PTPRD: variants seen among roughly 807,000 people sequenced by gnomAD.
The protein encoded by PTPRD is receptor-type tyrosine-protein phosphatase delta.
PTPRD carries 34 observed loss-of-function variants against 214.5 expected under a neutral mutation model. That is an observed-to-expected ratio of 0.16 (90% CI 0.12 to 0.21). The LOEUF (loss-of-function observed/expected upper bound fraction) is 0.21, where lower values mean the gene tolerates loss of function less well. PTPRD is among the 10% of genes least tolerant of loss of function. The pLI is 1.00. For missense variants in PTPRD, 2,545 were observed against 2,398.7 expected (o/e 1.06, Z -1.27); for synonymous variants, 1,128 against 845.7 (o/e 1.33, Z -5.79).
intron 3 of PTPRD, among the ~76,000 whole-genome samples, chr9:10,268,718 C>T (rs2475353): frequency 0.17 from 26,285 of 152,088 alleles, 2,317 homozygotes; most frequent in East Asian, 0.25. Flanking sequence ...ATCCTCTCAT[C>T]CCAGAATCCC....
At chr9:9,055,466 C>T (rs2099694490) in intron 10 of PTPRD, among the ~76,000 whole-genome samples, 1 of 152,050 alleles carries the variant, frequency 6.6e-6, no homozygotes, top group Admixed American at 6.6e-5. Context: ...TCCAAAAGTG[C>T]CCTCGTGAAA....
chr9:9,392,291 T>C (rs2066128434), intron 9 of PTPRD, among the ~76,000 whole-genome samples: 1 of 152,176 alleles, frequency 6.6e-6, no homozygotes, highest in African/African-American at 2.4e-5. Context: ...CATTGGGTCA[T>C]AAACCTGCTT....
At chr9:10,582,323 G>C (rs928813201) in intron 2 of PTPRD, among the ~76,000 whole-genome samples, 1 of 151,818 alleles carries the variant, frequency 6.6e-6, no homozygotes, top group Admixed American at 6.6e-5. Flanking sequence ...TTCTCTTTTA[G>C]CTCTGCCTAT....
chr9:9,176,222 A>G (rs1156526064), intron 10 of PTPRD, among the ~76,000 whole-genome samples: 1 of 152,174 alleles, frequency 6.6e-6, no homozygotes, highest in East Asian at 1.9e-4. Flanking sequence ...TCTGCCACCT[A>G]TAATTGAATG....
At chr9:10,453,565 A>G (rs2098869069) in intron 2 of PTPRD, among the ~76,000 whole-genome samples, 1 of 151,660 alleles carries the variant, frequency 6.6e-6, no homozygotes, top group Non-Finnish European at 1.5e-5. Flanking sequence ...TAGCTCTTGC[A>G]AATGAGATTG....
chr9:9,431,320 C>A (rs1588231277), intron 8 of PTPRD, among the ~76,000 whole-genome samples: 3 of 152,236 alleles, frequency 2.0e-5, no homozygotes, highest in African/African-American at 7.2e-5. Context: ...TCATCACTGG[C>A]CATCAGAGAA....
intron 2 of PTPRD, among the ~76,000 whole-genome samples, chr9:10,440,486 C>G (rs970338724): frequency 1.3e-5 from 2 of 151,536 alleles, no homozygotes; most frequent in Non-Finnish European, 3.0e-5. Context: ...AAAGGGTGGT[C>G]TGGAGATTTG....
chr9:8,626,617 A>C (rs916136201), intron 14 of PTPRD, among the ~76,000 whole-genome samples: 1 of 151,816 alleles, frequency 6.6e-6, no homozygotes, highest in African/African-American at 2.4e-5. Context: ...TGCCCTCCCT[A>C]ATGTGGGCAA....
At chr9:8,946,407 A>G (rs556172390) in intron 11 of PTPRD, among the ~76,000 whole-genome samples, 9 of 152,258 alleles carry the variant, frequency 5.9e-5, no homozygotes, top group African/African-American at 2.2e-4. Flanking sequence ...GTGCTTGGAA[A>G]GTTACTTTAC....
rs181325682 is a variant in PTPRD at position 8,832,935 on chromosome 9, A to C, written c.-103-98989T>G. Among the ~76,000 whole-genome samples, 503 of 152,268 alleles carry C rather than the reference A, an allele frequency of 3.3e-3. 1 individual carries two copies. Among genetic ancestry groups the C allele is most frequent in the African/African-American group, 0.011 (448 of 41,584 alleles). ...TTTCACTTCATGTTAGTTGTCTCAT[A>C]AATTTAATATCTACTCTTCATTACC... On this transcript the variant is annotated intron_variant, in intron 11 of 45. Transcript: ENST00000381196.
chr9:10,412,023 T>A (rs537423843), intron 2 of PTPRD, among the ~76,000 whole-genome samples: 47 of 151,866 alleles, frequency 3.1e-4, no homozygotes, highest in Non-Finnish European at 5.3e-4. Flanking sequence ...AAAAATGAAT[T>A]TCATAACTTT....
chr9:8,921,678 G>C (rs1188345490), intron 11 of PTPRD, among the ~76,000 whole-genome samples: 8 of 151,986 alleles, frequency 5.3e-5, no homozygotes, highest in Non-Finnish European at 1.2e-4. Context: ...ATTTTTAGTA[G>C]AGACAGGGTT....
chr9:8,377,914 G>C (rs1182216730), intron 37 of PTPRD, among the ~76,000 whole-genome samples: 1 of 152,042 alleles, frequency 6.6e-6, no homozygotes, highest in Non-Finnish European at 1.5e-5. Context: ...GCTCCTCTGA[G>C]AATTCAGGCT....
intron 26 of PTPRD, among the ~76,000 whole-genome samples, chr9:8,496,052 A>G (rs1396419908): frequency 6.6e-6 from 1 of 152,022 alleles, no homozygotes; most frequent in Non-Finnish European, 1.5e-5. Flanking sequence ...CGAAGCCTTC[A>G]TTTATATCAA....
At chr9:10,275,267 G>A (rs561033759) in intron 3 of PTPRD, among the ~76,000 whole-genome samples, 87 of 152,154 alleles carry the variant, frequency 5.7e-4, no homozygotes, top group African/African-American at 2.0e-3. Context: ...TTAAGTAAAG[G>A]AAACTTGTTC....
chr9:9,992,226 T>C (rs1328337722), intron 4 of PTPRD, among the ~76,000 whole-genome samples: 1 of 152,188 alleles, frequency 6.6e-6, no homozygotes, highest in East Asian at 1.9e-4. Context: ...TTTTCAATGA[T>C]TGAACTATAT....
intron 12 of PTPRD, among the ~76,000 whole-genome samples, chr9:8,686,560 C>A (rs2097685431): frequency 6.6e-6 from 1 of 152,108 alleles, no homozygotes; most frequent in Non-Finnish European, 1.5e-5. Context: ...GGTAATAGCT[C>A]CATTTTAGAA....
intron 8 of PTPRD, among the ~76,000 whole-genome samples, chr9:9,419,636 T>C (rs1346429256): frequency 6.6e-6 from 1 of 151,724 alleles, no homozygotes; most frequent in African/African-American, 2.4e-5. Context: ...TTTGATATTA[T>C]AAGAAATATA....
chr9:9,705,968 C>G (rs1296085850), intron 7 of PTPRD, among the ~76,000 whole-genome samples: 1 of 152,042 alleles, frequency 6.6e-6, no homozygotes, highest in East Asian at 1.9e-4. Context: ...GCTCCTGGGC[C>G]AATTAATGGC....
Sources: gnomAD v4.1 joint callset for allele counts (sites outside exome capture counted in the v4.1 genomes callset) on GRCh38, gnomAD v4.1.1 for gene constraint, MANE v1.5 for transcripts, NCBI Gene and HGNC (gene_info 2026-07-23, HGNC 2026-07-21) for gene names.